ASPH: variants seen among roughly 807,000 people sequenced by gnomAD.
ASPH encodes aspartate beta-hydroxylase.
A neutral mutation model predicts 118.4 loss-of-function variants in ASPH; 100 were observed. The ratio of observed to expected loss-of-function variants is 0.84; its 90% CI spans 0.72 to 1.00. ASPH has a LOEUF of 1.00. Among genes scored for constraint, ASPH ranks in the 50% least tolerant of loss-of-function variants. The pLI is 0.00. For synonymous variants in ASPH, 315 were observed against 325.6 expected (o/e 0.97, Z 0.35); for missense variants, 920 against 919.5 (o/e 1.00, Z -0.01).
chr8:61,666,253 T>C (rs1209300545), intron 3 of ASPH, among the ~76,000 whole-genome samples: 1 of 152,182 alleles, frequency 6.6e-6, no homozygotes, highest in Non-Finnish European at 1.5e-5. Flanking sequence ...TTAATTCATG[T>C]AGAGCAACTC....
intron 18 of ASPH, among the ~76,000 whole-genome samples, chr8:61,561,209 G>A (rs1829865382): frequency 6.6e-6 from 1 of 152,024 alleles, no homozygotes; most frequent in Non-Finnish European, 1.5e-5. Context: ...GGATATGTTT[G>A]TTATAGCTTC....
In ASPH at chr8:61,502,621, T is replaced by C. The variant is rs1349713511; in HGVS notation, c.*738A>G. The stretch of plus-strand genomic sequence containing the variant: ...AATATAAAATAATTCCATGCTCTTT[T>C]TTCGGTGTGAAAAGTTCCTCTTTGA... On this transcript the variant is annotated 3_prime_UTR_variant, in exon 25 of 25. Transcript: ENST00000379454. 6.6e-6 allele frequency: 1 copy of C among 152,208 alleles called. No individual in the cohort carries two copies. Among genetic ancestry groups the C allele is most frequent in the Non-Finnish European group, 1.5e-5 (1 of 68,044 alleles). 9.4% of individuals were successfully genotyped at this position (152,208 alleles called of 1,614,324 possible). A position where few individuals can be genotyped will look rare whatever the true frequency, so the allele number is the denominator to read the frequency against.
intron 13 of ASPH, 98 bp from the exon 14 acceptor site, chr8:61,619,117 C>A: frequency 7.7e-6 from 6 of 778,710 alleles, no homozygotes; most frequent in Non-Finnish European, 1.2e-5. Context: ...TAAGTATAAT[C>A]AAAGAAAAAT....
chr8:61,680,327 C>T (rs550914998), intron 3 of ASPH, among the ~76,000 whole-genome samples: 4 of 151,856 alleles, frequency 2.6e-5, no homozygotes, highest in East Asian at 1.9e-4. Flanking sequence ...GAAATTAACA[C>T]CATTCTTTCC....
intron 22 of ASPH, among the ~76,000 whole-genome samples, chr8:61,521,947 C>G (rs1048595146): frequency 1.3e-5 from 2 of 152,240 alleles, no homozygotes; most frequent in Middle Eastern, 6.8e-3. Context: ...ACCTAGAACA[C>G]TGCGTTGAGA....
intron 1 of ASPH, among the ~76,000 whole-genome samples, chr8:61,684,968 T>TA (rs1829859679): frequency 6.6e-6 from 1 of 152,116 alleles, no homozygotes; most frequent in Admixed American, 6.6e-5. Flanking sequence ...ATATCAATAT[T>TA]AATAAATAAA....
intron 3 of ASPH, among the ~76,000 whole-genome samples, chr8:61,670,551 T>C (rs561886689): frequency 6.6e-6 from 1 of 152,176 alleles, no homozygotes; most frequent in South Asian, 2.1e-4. Context: ...AAACTGATCA[T>C]ACATGGAATT....
chr8:61,639,251 C>A (rs1019596848), intron 10 of ASPH, among the ~76,000 whole-genome samples: 11 of 152,022 alleles, frequency 7.2e-5, no homozygotes, highest in Admixed American at 6.6e-4. Context: ...CTTCTCGTCA[C>A]CCTCTCTTTC....
At chr8:61,561,079 G>A (rs1423241969) in intron 18 of ASPH, among the ~76,000 whole-genome samples, 1 of 78,758 alleles carries the variant, frequency 1.3e-5, no homozygotes, top group Non-Finnish European at 2.3e-5. Flanking sequence ...AGGGAGAGAG[G>A]GAGGGAGGGA....
chr8:61,708,747 A>T (rs1837319327), intron 1 of ASPH, among the ~76,000 whole-genome samples: 1 of 152,226 alleles, frequency 6.6e-6, no homozygotes, highest in South Asian at 2.1e-4. Context: ...TCTTAAGTAC[A>T]GGATGAGTCA....
intron 14 of ASPH, among the ~76,000 whole-genome samples, chr8:61,588,192 C>T (rs541656821): frequency 1.3e-5 from 2 of 152,288 alleles, no homozygotes; most frequent in East Asian, 1.9e-4. Flanking sequence ...TTTTAAATCA[C>T]TGCCATTACA....
intron 18 of ASPH, among the ~76,000 whole-genome samples, chr8:61,556,489 T>C (rs941700137): frequency 1.3e-5 from 2 of 152,226 alleles, no homozygotes; most frequent in African/African-American, 2.4e-5. Context: ...GCATTTGTAA[T>C]ACATCACAAT....
intron 12 of ASPH, among the ~76,000 whole-genome samples, chr8:61,634,148 A>G (rs1455073248): frequency 2.0e-5 from 3 of 152,216 alleles, no homozygotes; most frequent in Non-Finnish European, 4.4e-5. Flanking sequence ...TCCAGATAAT[A>G]TATTCTGAGA....
chr8:61,555,967 A>C lies in ASPH; in HGVS notation c.1493T>G (p.Leu498Arg), dbSNP rs955355129. The change falls in exon 19 of 25, where the codon CTG becomes CGG. Residue 498 changes from leucine to arginine, a missense_variant. By Grantham distance (102) the Leu-to-Arg change is moderately radical. Coordinates refer to ENST00000379454, the MANE Select transcript of ASPH (RefSeq NM_004318.4). ...CTCAGCAATTTTGTTCTGTGCCTTC[A>C]GGATGAAGCCATAATGGACTTTAGC... ...GFAKVHYGFI[L>R]KAQNKIAESI... 1 of 1,613,972 alleles carries C rather than the reference A, an allele frequency of 6.2e-7. No homozygotes were observed. The highest frequency in any genetic ancestry group is 2.2e-5 in the East Asian group (1 of 44,882).
intron 14 of ASPH, among the ~76,000 whole-genome samples, chr8:61,593,308 G>A (rs1312686025): frequency 1.3e-5 from 2 of 152,090 alleles, no homozygotes; most frequent in East Asian, 3.9e-4. Flanking sequence ...TACTCTATAG[G>A]TATTACCAGA....
intron 1 of ASPH, among the ~76,000 whole-genome samples, chr8:61,697,962 A>C (rs945473315): frequency 9.6e-5 from 14 of 146,272 alleles, no homozygotes; most frequent in African/African-American, 2.0e-4. Context: ...AGCTAATTAG[A>C]AAAAAAAAAA....
chr8:61,539,988 TG>T (rs1487247859), intron 21 of ASPH, among the ~76,000 whole-genome samples: 1 of 152,190 alleles, frequency 6.6e-6, no homozygotes, highest in East Asian at 1.9e-4. Flanking sequence ...AATCCATTTT[TG>T]TTTCAATTTC....
chr8:61,643,367 G>T lies in ASPH; in HGVS notation c.757+19C>A. 6.3e-7 allele frequency: 1 copy of T among 1,595,880 alleles called. No individual in the cohort carries two copies. ...TCTAAGGTAATATTTTAAATCTAAT[G>T]AAAATGCTCATCTAATACCTGTATC... On this transcript the variant is annotated intron_variant, in intron 9 of 24. Transcript: ENST00000379454.
At chr8:61,694,161 C>T (rs1833373407) in intron 1 of ASPH, among the ~76,000 whole-genome samples, 1 of 152,200 alleles carries the variant, frequency 6.6e-6, no homozygotes, top group South Asian at 2.1e-4. Flanking sequence ...GAACCCTCAG[C>T]AGGAAGCTAT....
Sources: allele counts gnomAD v4.1 joint callset (sites outside exome capture counted in the v4.1 genomes callset), GRCh38; gene constraint gnomAD v4.1.1; transcripts MANE v1.5; gene names NCBI Gene and HGNC (gene_info 2026-07-23, HGNC 2026-07-21).